The following GRID2 variants were observed in gnomAD, a reference collection of about 807,000 sequenced individuals.
The protein encoded by GRID2 is glutamate ionotropic receptor delta type subunit 2.
In GRID2, 33 loss-of-function variants were observed where a neutral mutation model predicts 114.8. The observed-to-expected ratio is 0.29, with a 90% confidence interval of 0.22 to 0.38. The LOEUF (loss-of-function observed/expected upper bound fraction) is 0.38, where lower values mean the gene tolerates loss of function less well. Ranked by LOEUF, GRID2 falls within the 10% of genes least tolerant of loss-of-function variation. GRID2 has a pLI of 1.00. For synonymous variants in GRID2, 505 were observed against 449.9 expected (o/e 1.12, Z -1.55); for missense variants, 1,184 against 1,257.7 (o/e 0.94, Z 0.89).
At chr4:92,433,755 G>A (rs927101976) in intron 1 of GRID2, among the ~76,000 whole-genome samples, 2 of 152,098 alleles carry the variant, frequency 1.3e-5, no homozygotes, top group African/African-American at 4.8e-5. Flanking sequence ...GTTCCTGTGG[G>A]GAGGATGAAT....
chr4:92,975,090 G>T (rs558931514), intron 2 of GRID2, among the ~76,000 whole-genome samples: 1 of 138,052 alleles, frequency 7.2e-6, no homozygotes, highest in South Asian at 2.3e-4. Flanking sequence ...CCGGGGTGTG[G>T]AGCTTGCAGT....
intron 1 of GRID2, among the ~76,000 whole-genome samples, chr4:92,493,118 A>C (rs1387786153): frequency 7.1e-6 from 1 of 140,266 alleles, no homozygotes; most frequent in Non-Finnish European, 1.5e-5. Flanking sequence ...ACAGAGCAAG[A>C]CTCCATCTCA....
intron 14 of GRID2, among the ~76,000 whole-genome samples, chr4:93,652,389 G>C (rs1460536709): frequency 6.6e-6 from 1 of 152,130 alleles, no homozygotes. Context: ...GTCGATGACA[G>C]ACTGCATAAA....
rs70942922 is a variant in GRID2 at position 92,666,650 on chromosome 4, G to GTTTTTTTTTTTTTTTTTTTTTT, written c.244+76384_244+76385insTTTTTTTTTTTTTTTTTTTTTT. 1.3e-4 allele frequency among the ~76,000 whole-genome samples: 9 copies of GTTTTTTTTTTTTTTTTTTTTTT among 68,598 alleles called. 2 individuals are homozygous for GTTTTTTTTTTTTTTTTTTTTTT. The highest frequency in any genetic ancestry group is 2.0e-4 in the Non-Finnish European group (7 of 35,754). The allele number at this position is 68,598 out of a possible 152,430, so 45.0% of individuals were successfully genotyped here. A position where few individuals can be genotyped will look rare whatever the true frequency, so the allele number is the denominator to read the frequency against. On this transcript the variant is annotated intron_variant, in intron 2 of 15. Coordinates refer to ENST00000282020, the MANE Select transcript of GRID2 (RefSeq NM_001510.4). ...AGGCTGATGTGTAAACTTAAGGGTT[G>GTTTTTTTTTTTTTTTTTTTTTT]TTTTTTTTTTTTTTTTTTTTCAGAT... is the stretch of plus-strand genomic sequence containing the variant.
intron 2 of GRID2, among the ~76,000 whole-genome samples, chr4:92,985,607 A>G (rs2149195004): frequency 6.6e-6 from 1 of 152,284 alleles, no homozygotes; most frequent in African/African-American, 2.4e-5. Flanking sequence ...TCTCTCCTGA[A>G]AGCATGACAA....
At chr4:92,878,872 A>G (rs531029782) in intron 2 of GRID2, among the ~76,000 whole-genome samples, 9 of 152,268 alleles carry the variant, frequency 5.9e-5, no homozygotes, top group Admixed American at 2.6e-4. Flanking sequence ...AATGAGGATG[A>G]AATCATGTAA....
At chr4:93,542,842 C>A (rs953409796) in intron 13 of GRID2, among the ~76,000 whole-genome samples, 3 of 152,134 alleles carry the variant, frequency 2.0e-5, no homozygotes, top group African/African-American at 2.4e-5. Flanking sequence ...ATTTAAATTC[C>A]TCTCTGCCCA....
intron 2 of GRID2, among the ~76,000 whole-genome samples, chr4:93,030,576 G>A (rs1009643700): frequency 6.6e-6 from 1 of 151,638 alleles, no homozygotes; most frequent in Non-Finnish European, 1.5e-5. Flanking sequence ...GTAGAGACAG[G>A]ATTTTGCCAT....
At chr4:93,762,892 C>G (rs553480270) in intron 14 of GRID2, among the ~76,000 whole-genome samples, 3 of 152,236 alleles carry the variant, frequency 2.0e-5, no homozygotes, top group African/African-American at 7.2e-5. Context: ...ATCATACCAT[C>G]TGGAGGGCTA....
intron 8 of GRID2, among the ~76,000 whole-genome samples, chr4:93,243,575 T>C (rs570464883): frequency 6.6e-6 from 1 of 152,174 alleles, no homozygotes; most frequent in African/African-American, 2.4e-5. Flanking sequence ...TCTCATAAAC[T>C]AAACAGAGTT....
intron 13 of GRID2, among the ~76,000 whole-genome samples, chr4:93,607,979 A>G (rs909852775): frequency 2.0e-5 from 3 of 151,324 alleles, no homozygotes; most frequent in African/African-American, 7.3e-5. Flanking sequence ...GGCTTTGTGA[A>G]TGGTGTTTTT....
chr4:93,343,834 T>G (rs1759911652), intron 8 of GRID2, among the ~76,000 whole-genome samples: 1 of 152,104 alleles, frequency 6.6e-6, no homozygotes, highest in Non-Finnish European at 1.5e-5. Flanking sequence ...AAATATTAGA[T>G]TATAGAATGT....
At chr4:92,555,155 G>T (rs1249746246) in intron 1 of GRID2, among the ~76,000 whole-genome samples, 1 of 152,076 alleles carries the variant, frequency 6.6e-6, no homozygotes, top group Admixed American at 6.6e-5. Context: ...CCAAGTCGAG[G>T]AGTGTGAATA....
chr4:92,676,325 G>GCCC (rs1733369036), intron 2 of GRID2, among the ~76,000 whole-genome samples: 2 of 151,684 alleles, frequency 1.3e-5, no homozygotes, highest in Admixed American at 6.6e-5. Flanking sequence ...GACTACAGGT[G>GCCC]CCCACCACAA....
At chr4:92,711,461 A>G (rs1307142698) in intron 2 of GRID2, among the ~76,000 whole-genome samples, 3 of 152,196 alleles carry the variant, frequency 2.0e-5, no homozygotes, top group Non-Finnish European at 4.4e-5. Context: ...GTTGTCAACC[A>G]AGAGCTACTG....
chr4:92,758,134 C>T (rs905017922), intron 2 of GRID2, among the ~76,000 whole-genome samples: 4 of 151,966 alleles, frequency 2.6e-5, no homozygotes, highest in Admixed American at 6.6e-5. Context: ...ATTGGTAGAT[C>T]TGGTATTGGA....
At chr4:93,707,244 A>C (rs1359227791) in intron 14 of GRID2, among the ~76,000 whole-genome samples, 1 of 151,682 alleles carries the variant, frequency 6.6e-6, no homozygotes, top group Non-Finnish European at 1.5e-5. Flanking sequence ...ATTCTCTCCT[A>C]CTCTATTTTT....
In GRID2 at chr4:92,891,120, C is replaced by T. The variant is rs1398807267; in HGVS notation, c.245-193875C>T. On this transcript the variant is annotated intron_variant, in intron 2 of 15. Transcript: ENST00000282020. ...ACACACCAGGGGCCTGTTGGGGAGT[C>T]GCGGGGGCTAGGGGAGGGATAGCAT... Among the ~76,000 whole-genome samples the T allele has an allele frequency of 2.0e-5, 3 of 151,534 alleles. No homozygotes were observed. The East Asian group carries it at 5.8e-4, about 30-fold the overall frequency.
intron 8 of GRID2, among the ~76,000 whole-genome samples, chr4:93,243,937 T>G (rs531063518): frequency 6.6e-6 from 1 of 152,146 alleles, no homozygotes; most frequent in South Asian, 2.1e-4. Context: ...TGCCCAAGAA[T>G]GTGGTTATTT....
Sources: allele counts gnomAD v4.1 joint callset (sites outside exome capture counted in the v4.1 genomes callset), GRCh38; gene constraint gnomAD v4.1.1; transcripts MANE v1.5; gene names NCBI Gene and HGNC (gene_info 2026-07-23, HGNC 2026-07-21).